The following CDKAL1 variants were observed in gnomAD, a reference collection of about 807,000 sequenced individuals.
CDKAL1 encodes threonylcarbamoyladenosine tRNA methylthiotransferase.
In CDKAL1, 32 loss-of-function variants were observed where a neutral mutation model predicts 68.2. The observed-to-expected ratio is 0.47, with a 90% confidence interval of 0.35 to 0.63. CDKAL1 has a LOEUF of 0.63. Ranked by LOEUF, CDKAL1 falls within the 30% of genes least tolerant of loss-of-function variation. The pLI is 0.00. For missense variants in CDKAL1, 606 were observed against 696.7 expected (o/e 0.87, Z 1.47); for synonymous variants, 234 against 244.3 (o/e 0.96, Z 0.39).
intron 5 of CDKAL1, among the ~76,000 whole-genome samples, chr6:20,689,080 T>G (rs1247157284): frequency 1.3e-5 from 2 of 152,116 alleles, no homozygotes; most frequent in African/African-American, 4.8e-5. Context: ...CCCCAGCAGG[T>G]TAGGCTGTAG....
At chr6:20,848,104 G>A (rs1009033634) in intron 9 of CDKAL1, among the ~76,000 whole-genome samples, 1 of 152,036 alleles carries the variant, frequency 6.6e-6, no homozygotes, top group African/African-American at 2.4e-5. Context: ...GCAAACATCC[G>A]ATTGGTTATG....
At chr6:20,774,157 G>A (rs1775069654) in intron 7 of CDKAL1, among the ~76,000 whole-genome samples, 1 of 152,098 alleles carries the variant, frequency 6.6e-6, no homozygotes, top group South Asian at 2.1e-4. Context: ...TAGATGGAGT[G>A]AATGAAGTAT....
At chr6:20,540,438 G>A (rs372494243) in intron 2 of CDKAL1, among the ~76,000 whole-genome samples, 6 of 150,858 alleles carry the variant, frequency 4.0e-5, no homozygotes, top group Non-Finnish European at 7.4e-5. Context: ...AGAAGATCAG[G>A]AATTCTGTTT....
At chr6:20,979,395 A>G (rs60007904) in intron 10 of CDKAL1, among the ~76,000 whole-genome samples, 14,527 of 152,220 alleles carry the variant, frequency 0.095, 1,193 homozygotes, top group African/African-American at 0.23. Context: ...GGGTACATTG[A>G]GAAACAGGAG....
chr6:21,135,564 A>T, intron 13 of CDKAL1: 1 of 390,388 alleles, frequency 2.6e-6, no homozygotes, highest in Non-Finnish European at 3.5e-6. Flanking sequence ...GGGAGAGGTT[A>T]AAAACTACTT....
chr6:20,571,816 A>G (rs926669518), intron 4 of CDKAL1, among the ~76,000 whole-genome samples: 2 of 152,040 alleles, frequency 1.3e-5, no homozygotes, highest in Admixed American at 1.3e-4. Flanking sequence ...GGGAATAGTT[A>G]CCCATCTTGA....
At chr6:21,144,631 C>CAAA (rs59162861) in intron 13 of CDKAL1, among the ~76,000 whole-genome samples, 3 of 126,846 alleles carry the variant, frequency 2.4e-5, no homozygotes, top group African/African-American at 2.8e-5. Flanking sequence ...CAAAAAATAC[C>CAAA]AAAAAAAAAA....
At chr6:21,143,122 T>C (rs1776004701) in intron 13 of CDKAL1, among the ~76,000 whole-genome samples, 1 of 152,246 alleles carries the variant, frequency 6.6e-6, no homozygotes, top group South Asian at 2.1e-4. Context: ...TTTGCTTCTT[T>C]GCCCTAATCC....
intron 4 of CDKAL1, among the ~76,000 whole-genome samples, chr6:20,630,526 A>G (rs1490631775): frequency 6.6e-6 from 1 of 151,780 alleles, no homozygotes; most frequent in Non-Finnish European, 1.5e-5. Context: ...CCTTTTCATG[A>G]AGAGTGGTTA....
At chr6:21,101,497 A>G (rs1305197477) in intron 12 of CDKAL1, among the ~76,000 whole-genome samples, 1 of 152,150 alleles carries the variant, frequency 6.6e-6, no homozygotes, top group Non-Finnish European at 1.5e-5. Context: ...CCAAGACCAA[A>G]CAGCTATTGT....
intron 5 of CDKAL1, among the ~76,000 whole-genome samples, chr6:20,702,158 G>T (rs185577903): frequency 6.6e-6 from 1 of 152,268 alleles, no homozygotes; most frequent in Non-Finnish European, 1.5e-5. Context: ...CCCCTCGCAG[G>T]GCGTGTGATG....
chr6:21,012,144 G>T (rs980089173), intron 11 of CDKAL1, among the ~76,000 whole-genome samples: 2 of 152,248 alleles, frequency 1.3e-5, no homozygotes, highest in East Asian at 1.9e-4. Flanking sequence ...TTCTTCCCTT[G>T]TAATACTTCC....
intron 15 of CDKAL1, among the ~76,000 whole-genome samples, chr6:21,205,344 T>G (rs115311487): frequency 1.3e-5 from 2 of 152,302 alleles, no homozygotes; most frequent in African/African-American, 2.4e-5. Flanking sequence ...GATTGTATGG[T>G]CCTCTATTTT....
At chr6:20,778,529 G>A (rs1775275966) in intron 7 of CDKAL1, among the ~76,000 whole-genome samples, 1 of 152,198 alleles carries the variant, frequency 6.6e-6, no homozygotes, top group South Asian at 2.1e-4. Flanking sequence ...GAGACGTAGT[G>A]TAAGGAATTG....
chr6:20,609,316 C>T (rs1475960410), intron 4 of CDKAL1, among the ~76,000 whole-genome samples: 7 of 149,114 alleles, frequency 4.7e-5, no homozygotes, highest in Non-Finnish European at 6.0e-5. Context: ...CCTCCTCCCC[C>T]CTCCTCTCTC....
At chr6:21,024,498 T>C (rs1448524417) in intron 11 of CDKAL1, among the ~76,000 whole-genome samples, 1 of 151,334 alleles carries the variant, frequency 6.6e-6, no homozygotes. Context: ...AAAAAAGAAA[T>C]TGGTTGAAGA....
intron 4 of CDKAL1, among the ~76,000 whole-genome samples, chr6:20,592,295 A>G (rs1219602385): frequency 6.6e-6 from 1 of 152,168 alleles, no homozygotes; most frequent in Non-Finnish European, 1.5e-5. Context: ...CAATCATGTC[A>G]TCTGCAAACA....
chr6:20,653,816 T>G (rs1221452800), intron 5 of CDKAL1, among the ~76,000 whole-genome samples: 6 of 152,162 alleles, frequency 3.9e-5, no homozygotes, highest in African/African-American at 1.4e-4. Flanking sequence ...TTTCACCATG[T>G]TGGCCAGGAT....
chr6:20,807,253 C>T (rs1425061377), intron 8 of CDKAL1, among the ~76,000 whole-genome samples: 3 of 150,944 alleles, frequency 2.0e-5, no homozygotes, highest in South Asian at 2.1e-4. Context: ...GACGGAGTCT[C>T]GCTGTGTTGC....
Sources: gnomAD v4.1 joint callset for allele counts (sites outside exome capture counted in the v4.1 genomes callset) on GRCh38, gnomAD v4.1.1 for gene constraint, MANE v1.5 for transcripts, NCBI Gene and HGNC (gene_info 2026-07-23, HGNC 2026-07-21) for gene names.